Variants in SUPT20H observed in about 807,000 individuals in gnomAD.
SUPT20H encodes SPT20 homolog, SAGA complex component, also known as transcription factor SPT20 homolog.
In SUPT20H, 82 loss-of-function variants were observed where a neutral mutation model predicts 122.8. The ratio of observed to expected loss-of-function variants is 0.67; its 90% CI spans 0.56 to 0.80. SUPT20H has a LOEUF of 0.80. Among genes scored for constraint, SUPT20H ranks in the 30% least tolerant of loss-of-function variants. The pLI, the probability that SUPT20H is intolerant of heterozygous loss-of-function variation, is 0.00. For synonymous variants in SUPT20H, 291 were observed against 313.0 expected, an observed-to-expected ratio of 0.93 and a Z score of 0.74; for missense variants, 831 against 921.6, an observed-to-expected ratio of 0.90 and a Z score of 1.27.
intron 2 of SUPT20H, among the ~76,000 whole-genome samples, chr13:37,049,611 C>T (rs796157616): frequency 4.6e-5 from 7 of 152,096 alleles, no homozygotes; most frequent in African/African-American, 9.6e-5. Flanking sequence ...TGGTAGCACG[C>T]GCCTGTAGTC....
Position 37,009,623 on chromosome 13 carries a change from A to C in SUPT20H, c.*49T>G, listed in dbSNP as rs771928651. On this transcript the variant is annotated 3_prime_UTR_variant, in exon 26 of 26. Transcript: ENST00000350612. ...AAAAAGTAGAAACTCAATTCTTTTG[A>C]TTCAGTGCTCTTGTGTTTTTAAAAA... 1.7e-5 allele frequency: 28 copies of C among 1,608,924 alleles called. No individual in the cohort carries two copies. The East Asian group carries it at 6.2e-4, about 36-fold the overall frequency.
At position 37,033,528 on chromosome 13, in the gene SUPT20H, C is replaced by G; in HGVS notation, c.628G>C (p.Asp210His). 1.2e-6 allele frequency: 2 copies of G among 1,613,632 alleles called. No homozygotes were observed. Among genetic ancestry groups the G allele is most frequent in the South Asian group, 2.2e-5 (2 of 90,942 alleles). Residue 210 changes from aspartate (D) to histidine (H), a missense_variant, in exon 10 of 26, where the codon GAT becomes CAT. Asp to His is a moderately conservative substitution (Grantham distance 81). Transcript: ENST00000350612. ...ILATAEPLCL[D>H]PSIAVTCTAN... ...GTGCAGGTGACTGCTATAGAAGGAT[C>G]AAGACAGAGTGGTTCAGCTGTAGCT...
rs376071608 is a variant in SUPT20H at position 37,045,238 on chromosome 13, G to T, written c.292+9C>A. 6.2e-7 allele frequency: 1 copy of T among 1,612,700 alleles called. No individual in the cohort carries two copies. The highest frequency in any genetic ancestry group is 1.3e-5 in the African/African-American group (1 of 74,846). Reference sequence around the variant, plus strand: ...TATTTTGTGGCAGCTGTGCTCTAGAGGGTCTTACCTGATCCGTTTTTTCCC... The same window carrying T: ...TATTTTGTGGCAGCTGTGCTCTAGATGGTCTTACCTGATCCGTTTTTTCCC... On this transcript the variant is annotated intron_variant, in intron 6 of 25. Transcript: ENST00000350612.
At chr13:37,052,551 A>T (rs1323660915) in intron 1 of SUPT20H, among the ~76,000 whole-genome samples, 1 of 152,192 alleles carries the variant, frequency 6.6e-6, no homozygotes, top group Non-Finnish European at 1.5e-5. Flanking sequence ...TACAACATAA[A>T]ACCATAAAAC....
At chr13:37,021,424 G>A (rs2061447105) in intron 21 of SUPT20H, 24 bp downstream of exon 21, 3 of 1,566,388 alleles carry the variant, frequency 1.9e-6, no homozygotes, top group Admixed American at 1.9e-5. Context: ...TTTTTTTAGA[G>A]GTTATTATTT....
In SUPT20H at chr13:37,019,254, T is replaced by G. The variant is rs1050817989; in HGVS notation, c.1872+88A>C. Reference sequence around the variant, plus strand: ...GAAGAATCTAAACAGACCTCAGAATTTCAAGTGCTGATACATATAGATATA... The same window carrying G: ...GAAGAATCTAAACAGACCTCAGAATGTCAAGTGCTGATACATATAGATATA... On this transcript the variant is annotated intron_variant, in intron 22 of 25. Coordinates refer to ENST00000350612, the MANE Select transcript of SUPT20H (RefSeq NM_001014286.3). The G allele has an allele frequency of 2.4e-5, 23 of 952,176 alleles. No individual in the cohort carries two copies. In the African/African-American group the frequency reaches 3.4e-4, roughly 14 times the overall value. The allele number at this position is 952,176 out of a possible 1,614,324, so 59.0% of individuals were successfully genotyped here.
chr13:37,018,209 G>T (rs1194113958), intron 22 of SUPT20H, among the ~76,000 whole-genome samples: 2 of 152,062 alleles, frequency 1.3e-5, no homozygotes, highest in African/African-American at 4.8e-5. Context: ...ACACAGCACA[G>T]ATCAAATGTT....
rs2060675320 is a variant in SUPT20H at position 37,017,300 on chromosome 13, G to A, written c.1937C>T (p.Thr646Ile). Residue 646 changes from threonine (T) to isoleucine (I), a missense_variant, in exon 23 of 26, where the codon ACA becomes ATA. Coordinates refer to ENST00000350612, the MANE Select transcript of SUPT20H (RefSeq NM_001014286.3). ...QQQQQQLSQF[T>I]PQQPQQPTTC... ...TGTGGGCTGCTGAGGTTGTTGTGGT[G>A]TAAACTGGGAGAGCTGCTGTTGCTG... The A allele has an allele frequency of 6.2e-7, 1 of 1,614,130 alleles. No homozygotes were observed. Among genetic ancestry groups the A allele is most frequent in the Non-Finnish European group, 8.5e-7 (1 of 1,180,010 alleles).
At chr13:37,014,516 A>G (rs1486382425) in intron 23 of SUPT20H, among the ~76,000 whole-genome samples, 1 of 152,132 alleles carries the variant, frequency 6.6e-6, no homozygotes, top group African/African-American at 2.4e-5. Flanking sequence ...AGAACCAAAA[A>G]TATGTTTTCA....
At chr13:37,020,171 C>T (rs1257652798) in intron 21 of SUPT20H, among the ~76,000 whole-genome samples, 2 of 151,800 alleles carry the variant, frequency 1.3e-5, no homozygotes, top group African/African-American at 4.8e-5. Flanking sequence ...AATTTGAACA[C>T]TATTTAAAAA....
rs1431819035 is a variant in SUPT20H at position 37,009,637 on chromosome 13, T to A, written c.*35A>T. On this transcript the variant is annotated 3_prime_UTR_variant, in exon 26 of 26. Transcript: ENST00000350612. ...CAATTCTTTTGATTCAGTGCTCTTG[T>A]GTTTTTAAAAAAGGAACAAAAAGTA... 1 of 1,612,484 alleles carries A rather than the reference T, an allele frequency of 6.2e-7. No homozygotes were observed. Among genetic ancestry groups the A allele is most frequent in the Non-Finnish European group, 8.5e-7 (1 of 1,179,090 alleles).
Position 37,033,487 on chromosome 13 carries a change from G to C in SUPT20H, c.669C>G (p.Leu223=). ...GAGTGTTCATCTTTTGCTTGTTATA[G>C]AGCAGTCTGTTTGCAGTGCAGGTGA... The part of the protein sequence containing the change: ...IAVTCTANRL[L]YNKQKMNTRP... The change falls in exon 10 of 26, where the codon CTC becomes CTG. Residue 223 remains leucine (L), a synonymous_variant. Coordinates refer to ENST00000350612, the MANE Select transcript of SUPT20H (RefSeq NM_001014286.3). 1 of 1,613,076 alleles carries C rather than the reference G, an allele frequency of 6.2e-7. No homozygotes were observed. The highest frequency in any genetic ancestry group is 8.5e-7 in the Non-Finnish European group (1 of 1,179,536).
chr13:37,017,312 A>G lies in SUPT20H; in HGVS notation c.1925T>C (p.Leu642Pro), dbSNP rs2060677132. The change falls in exon 23 of 26, where the codon CTC becomes CCC. Residue 642 changes from leucine (L) to proline (P), a missense_variant. Leu to Pro is a moderately conservative substitution (Grantham distance 98). Coordinates refer to ENST00000350612, the MANE Select transcript of SUPT20H (RefSeq NM_001014286.3). ...AGGTTGTTGTGGTGTAAACTGGGAG[A>G]GCTGCTGTTGCTGCTGCTGCAGAGT... The part of the protein sequence containing the change: ...FNTLQQQQQQ[L>P]SQFTPQQPQQ... The G allele has an allele frequency of 6.2e-7, 1 of 1,614,000 alleles. No homozygotes were observed. Among genetic ancestry groups the G allele is most frequent in the African/African-American group, 1.3e-5 (1 of 74,922 alleles).
Position 37,022,271 on chromosome 13 carries a change from C to T in SUPT20H, c.1592-191G>A, listed in dbSNP as rs1442598101. ...TCTGAGCATCAGGAGGGTGTGGGGT[C>T]GATGAAGGGGTTGGTGTAGGAGTAG... On this transcript the variant is annotated intron_variant, in intron 19 of 25. Coordinates refer to ENST00000350612, the MANE Select transcript of SUPT20H (RefSeq NM_001014286.3). This position sits in a 1 kb window ranked among gnomAD's most constrained non-coding sequence, Gnocchi z 4.5. The T allele has an allele frequency of 2.3e-5, 35 of 1,500,256 alleles. 1 individual carries two copies. Among genetic ancestry groups the T allele is most frequent in the Admixed American group, 6.3e-5 (3 of 47,804 alleles). 92.9% of individuals were successfully genotyped at this position (1,500,256 alleles called of 1,614,324 possible).
At position 37,033,464 on chromosome 13, in the gene SUPT20H, G is replaced by A. The variant is rs766350832; in HGVS notation, c.692C>T (p.Thr231Ile). 1.5e-4 allele frequency: 241 copies of A among 1,611,352 alleles called. No homozygotes were observed. Among genetic ancestry groups the A allele is most frequent in the Non-Finnish European group, 2.0e-4 (237 of 1,178,844 alleles). The change falls in exon 10 of 26, where the codon ACT (threonine) becomes ATT (isoleucine). Residue 231 changes from threonine (T) to isoleucine (I), a missense_variant. Thr to Ile is a moderately conservative substitution (Grantham distance 89). Transcript: ENST00000350612. The stretch of plus-strand genomic sequence containing the variant: ...AGGCAATTACCGTTTCATTGGGCGA[G>A]TGTTCATCTTTTGCTTGTTATAGAG... Reference protein sequence around the residue: ...RLLYNKQKMNTRPMKRCFKRY... With the variant: ...RLLYNKQKMNIRPMKRCFKRY...
At chr13:37,053,074 G>A (rs2068097198) in intron 1 of SUPT20H, among the ~76,000 whole-genome samples, 1 of 152,214 alleles carries the variant, frequency 6.6e-6, no homozygotes, top group African/African-American at 2.4e-5. Flanking sequence ...GTTGGTGGTA[G>A]TGTAAATTAG....
intron 17 of SUPT20H, 88 bp from the exon 18 acceptor site, chr13:37,024,530 TA>T (rs2061880192): frequency 6.7e-6 from 6 of 896,666 alleles, no homozygotes; most frequent in Non-Finnish European, 9.3e-6. Flanking sequence ...CATAGTTTAT[TA>T]AATAAAATTA....
At chr13:37,043,978 C>T (rs549585061) in intron 7 of SUPT20H, 100 bp downstream of exon 7, 3 of 625,346 alleles carry the variant, frequency 4.8e-6, no homozygotes, top group Admixed American at 3.4e-5. Context: ...ATCATGTAGT[C>T]GTTTATATAC....
At chr13:37,055,489 C>T (rs1279114632) in intron 1 of SUPT20H, among the ~76,000 whole-genome samples, 1 of 152,188 alleles carries the variant, frequency 6.6e-6, no homozygotes, top group Admixed American at 6.5e-5. Context: ...TGATCTTTGA[C>T]AAACCTGACC....
Sources: gnomAD v4.1 joint callset for allele counts (sites outside exome capture counted in the v4.1 genomes callset) on GRCh38, gnomAD v4.1.1 for gene constraint, Gnocchi (gnomAD v3.1) non-coding constraint, MANE v1.5 for transcripts, NCBI Gene and HGNC (gene_info 2026-07-23, HGNC 2026-07-21) for gene names.